IGSF10: variants seen among roughly 807,000 people sequenced by gnomAD.
IGSF10 encodes immunoglobulin superfamily member 10.
Under a neutral mutation model 128.2 loss-of-function variants are expected in IGSF10, and 126 were observed. That is an observed-to-expected ratio of 0.98 (90% CI 0.85 to 1.14). The LOEUF is 1.14. IGSF10 is among the 50% of genes most tolerant of loss of function. The probability of loss-of-function intolerance (pLI) is 0.00; values close to 1 mark genes in which losing one functional copy is unlikely to be tolerated. For synonymous variants in IGSF10, 1,185 were observed against 1,146.2 expected (o/e 1.03, Z -0.68); for missense variants, 3,295 against 3,149.8 (o/e 1.05, Z -1.10).
chr3:151,527,115 G>A, the IGSF10 span, among the ~76,000 whole-genome samples: 2 of 152,104 alleles, frequency 1.3e-5, no homozygotes, highest in Non-Finnish European at 2.9e-5. Context: ...AACCACTACT[G>A]ACTTTAGAAG....
chr3:151,485,266 G>C, the IGSF10 span, among the ~76,000 whole-genome samples: 3 of 152,190 alleles, frequency 2.0e-5, no homozygotes, highest in East Asian at 5.8e-4. Flanking sequence ...AGAGTGAAAA[G>C]AAATGAACAA....
chr3:151,452,212 T>C (rs1721542641), intron 5 of IGSF10, among the ~76,000 whole-genome samples: 1 of 152,206 alleles, frequency 6.6e-6, no homozygotes, highest in Admixed American at 6.5e-5. Flanking sequence ...CATATAGAGT[T>C]ATGAATTAAC....
the IGSF10 span, among the ~76,000 whole-genome samples, chr3:151,604,624 CACAT>C: frequency 8.5e-4 from 114 of 134,660 alleles, 1 homozygote; most frequent in Admixed American, 2.3e-3. Flanking sequence ...CACACACACA[CACAT>C]ATATATATAT....
At chr3:151,504,814 A>G in the IGSF10 span, among the ~76,000 whole-genome samples, 6 of 152,224 alleles carry the variant, frequency 3.9e-5, no homozygotes, top group Non-Finnish European at 7.3e-5. Flanking sequence ...GCTGAGCTAT[A>G]ATCAATGCAG....
chr3:151,440,856 C>T (rs1720813151), intron 7 of IGSF10: 2 of 274,864 alleles, frequency 7.3e-6, no homozygotes, highest in Non-Finnish European at 7.5e-6. Context: ...GAAGATCCCT[C>T]ATCAGCTGCA....
Position 151,436,615 on chromosome 3 carries a change from C to G in IGSF10, c.*74G>C. ...AATGTATTCAAATTCATTTACATGC[C>G]TATGGCTGCCTTTGATTAAACTTCT... On this transcript the variant is annotated 3_prime_UTR_variant, in exon 8 of 8. Transcript: ENST00000282466. 1 of 1,014,032 alleles carries G rather than the reference C, an allele frequency of 9.9e-7. No individual in the cohort carries two copies. The highest frequency in any genetic ancestry group is 1.5e-6 in the Non-Finnish European group (1 of 678,822). The allele number at this position is 1,014,032 out of a possible 1,614,324, so 62.8% of individuals were successfully genotyped here.
chr3:151,499,526 T>C, the IGSF10 span: 5 of 152,120 alleles, frequency 3.3e-5, no homozygotes, highest in Non-Finnish European at 5.9e-5. Flanking sequence ...TCAGGGACTG[T>C]GACTTCAGTA....
the IGSF10 span, among the ~76,000 whole-genome samples, chr3:151,570,575 T>A: frequency 6.6e-6 from 1 of 152,232 alleles, no homozygotes; most frequent in African/African-American, 2.4e-5. Flanking sequence ...CACTTTTTGA[T>A]GGGGTTGTTT....
the IGSF10 span, among the ~76,000 whole-genome samples, chr3:151,598,891 C>T: frequency 6.6e-6 from 1 of 152,014 alleles, no homozygotes; most frequent in African/African-American, 2.4e-5. Flanking sequence ...TTTAGCTTAA[C>T]AATAAGTGAG....
At chr3:151,439,638 A>C (rs1050821176) in intron 7 of IGSF10, among the ~76,000 whole-genome samples, 1 of 152,202 alleles carries the variant, frequency 6.6e-6, no homozygotes, top group African/African-American at 2.4e-5. Flanking sequence ...TTACTTTGTT[A>C]GAATACCAAC....
the IGSF10 span, among the ~76,000 whole-genome samples, chr3:151,471,545 G>A: frequency 2.4e-4 from 37 of 152,278 alleles, no homozygotes; most frequent in Non-Finnish European, 4.4e-4. Flanking sequence ...GCCCTCACCT[G>A]AGTTTGTCAT....
the IGSF10 span, among the ~76,000 whole-genome samples, chr3:151,577,091 G>A: frequency 8.5e-5 from 13 of 152,062 alleles, no homozygotes; most frequent in Non-Finnish European, 1.5e-4. Context: ...GTGGTTTTAC[G>A]TTATATTTAT....
chr3:151,458,535 C>T lies in IGSF10; in HGVS notation c.175G>A (p.Val59Met), dbSNP rs1259662310. ...ACACACCCTAAATTGATGCGTTCCA[C>T]ATTGGGCGGGATGCTGTCTGGGATG... Reference protein sequence around the residue: ...TSIPDSIPPNVERINLGYNSL... With the variant: ...TSIPDSIPPNMERINLGYNSL... Residue 59 changes from valine (V) to methionine (M), a missense_variant, in exon 3 of 8, where the codon GTG becomes ATG. By Grantham distance (21) the Val-to-Met change is conservative. Coordinates refer to ENST00000282466, the MANE Select transcript of IGSF10 (RefSeq NM_178822.5). The T allele has an allele frequency of 1.2e-6, 2 of 1,613,666 alleles. No homozygotes were observed. The highest frequency in any genetic ancestry group is 2.2e-5 in the East Asian group (1 of 44,888).
At chr3:151,525,458 TG>T in the IGSF10 span, among the ~76,000 whole-genome samples, 1 of 152,116 alleles carries the variant, frequency 6.6e-6, no homozygotes, top group African/African-American at 2.4e-5. Context: ...CCAAGTTTGC[TG>T]GTTAAAAGAA....
chr3:151,588,905 A>C, the IGSF10 span, among the ~76,000 whole-genome samples: 2 of 152,180 alleles, frequency 1.3e-5, no homozygotes, highest in African/African-American at 4.8e-5. Context: ...ACAAGTACAA[A>C]AGTAGGAGTT....
At chr3:151,558,017 TAATATATATA>T in the IGSF10 span, among the ~76,000 whole-genome samples, 9 of 31,978 alleles carry the variant, frequency 2.8e-4, 1 homozygote, top group African/African-American at 1.0e-3. Flanking sequence ...TATATATATA[TAATATATATA>T]TTGGTACAAT....
chr3:151,553,271 C>A, the IGSF10 span, among the ~76,000 whole-genome samples: 58 of 152,176 alleles, frequency 3.8e-4, no homozygotes, highest in Non-Finnish European at 7.2e-4. Context: ...TTTATTTCAG[C>A]AAAATCACAT....
the IGSF10 span, among the ~76,000 whole-genome samples, chr3:151,611,614 A>G: frequency 6.6e-6 from 1 of 152,190 alleles, no homozygotes; most frequent in African/African-American, 2.4e-5. Context: ...GTGTTCTTAA[A>G]AAAGGATTTT....
the IGSF10 span, among the ~76,000 whole-genome samples, chr3:151,614,695 T>G: frequency 2.0e-5 from 3 of 151,926 alleles, no homozygotes; most frequent in African/African-American, 7.3e-5. Flanking sequence ...GGGGGAGGGA[T>G]AGCATTAGGC....
Sources: allele counts gnomAD v4.1 joint callset (sites outside exome capture counted in the v4.1 genomes callset), GRCh38; gene constraint gnomAD v4.1.1; transcripts MANE v1.5; gene names NCBI Gene and HGNC (gene_info 2026-07-23, HGNC 2026-07-21).